The following PFKFB3 variants were observed in gnomAD, a reference collection of about 807,000 sequenced individuals.
PFKFB3 encodes 6-phosphofructo-2-kinase/fructose-2,6-bisphosphatase 3.
In PFKFB3, 33 loss-of-function variants were observed where a neutral mutation model predicts 68.0. The observed-to-expected ratio is 0.49, with a 90% confidence interval of 0.37 to 0.65. PFKFB3 has a LOEUF of 0.65. PFKFB3 is among the 30% of genes least tolerant of loss of function. The pLI is 0.00. For missense variants in PFKFB3, 586 were observed against 712.2 expected (o/e 0.82, Z 2.02); for synonymous variants, 315 against 288.2 (o/e 1.09, Z -0.94).
the PFKFB3 span, among the ~76,000 whole-genome samples, chr10:6,274,671 AC>A: frequency 6.6e-6 from 1 of 151,956 alleles, no homozygotes; most frequent in Non-Finnish European, 1.5e-5. Flanking sequence ...ACATAGTGAG[AC>A]CCCATCTAAA....
chr10:6,177,425 CTTTCTT>C (rs1564599800), intron 1 of PFKFB3, among the ~76,000 whole-genome samples: 2 of 77,030 alleles, frequency 2.6e-5, no homozygotes, highest in African/African-American at 8.9e-5. Context: ...CTCTTTCTTC[CTTTCTT>C]TTCTTTCTCT....
Position 6,232,926 on chromosome 10 carries a change from C to T in PFKFB3, c.1547C>T (p.Ser516Phe). The change falls in exon 15 of 15, where the codon TCC (serine) becomes TTC (phenylalanine). Residue 516 changes from serine to phenylalanine, a missense_variant. Ser to Phe is a radical substitution (Grantham distance 155, BLOSUM62 -2). Coordinates refer to ENST00000379775, the MANE Select transcript of PFKFB3 (RefSeq NM_004566.4). Reference protein sequence around the residue: ...NMKGSRSSADSSRKH With the variant: ...NMKGSRSSADFSRKH The stretch of plus-strand genomic sequence containing the variant: ...AAAGGCTCCCGGAGCAGCGCTGACT[C>T]CTCCAGGAAACACTGAGGCAGACGT... 6 of 1,613,226 alleles carry T rather than the reference C, an allele frequency of 3.7e-6. No homozygotes were observed. The highest frequency in any genetic ancestry group is 5.1e-6 in the Non-Finnish European group (6 of 1,179,360).
chr10:6,261,834 A>C, the PFKFB3 span, among the ~76,000 whole-genome samples: 1 of 152,118 alleles, frequency 6.6e-6, no homozygotes, highest in Non-Finnish European at 1.5e-5. Context: ...ATCTCTACTA[A>C]AAATACAAAA....
chr10:6,204,063 G>T (rs1169469158), intron 1 of PFKFB3, among the ~76,000 whole-genome samples: 1 of 151,770 alleles, frequency 6.6e-6, no homozygotes, highest in Non-Finnish European at 1.5e-5. Context: ...CACGCGCCCC[G>T]GGCGCACGCA....
chr10:6,231,286 CAA>C (rs1239655749), intron 14 of PFKFB3: 2 of 1,611,916 alleles, frequency 1.2e-6, no homozygotes, highest in South Asian at 2.2e-5. Context: ...CACATTTTCT[CAA>C]AGTTTTCTCC....
At chr10:6,177,396 CT>C (rs550495845) in intron 1 of PFKFB3, among the ~76,000 whole-genome samples, 254 of 139,882 alleles carry the variant, frequency 1.8e-3, no homozygotes, top group East Asian at 6.3e-3. Context: ...TTCTTTCTTT[CT>C]TTCTTTCTTT....
At chr10:6,242,614 G>A (rs1366994591) in intron 14 of PFKFB3, among the ~76,000 whole-genome samples, 2 of 150,504 alleles carry the variant, frequency 1.3e-5, no homozygotes, top group African/African-American at 4.9e-5. Flanking sequence ...TTGAGACGGA[G>A]TCTCGCTCTG....
downstream of PFKFB3, among the ~76,000 whole-genome samples, chr10:6,236,786 G>A (rs997995422): frequency 6.6e-6 from 1 of 152,206 alleles, no homozygotes. Context: ...GTAAGGTCCT[G>A]GGCCGGCCGG....
chr10:6,203,418 C>T (rs939983192), intron 1 of PFKFB3, 82 bp downstream of exon 1: 1 of 1,066,096 alleles, frequency 9.4e-7, no homozygotes, highest in East Asian at 3.4e-5. Flanking sequence ...TGTGCCGACG[C>T]CCCTCTGCGG....
intron 1 of PFKFB3, among the ~76,000 whole-genome samples, chr10:6,176,959 G>A (rs748075086): frequency 2.0e-5 from 3 of 152,186 alleles, no homozygotes; most frequent in Admixed American, 6.5e-5. Flanking sequence ...ACAGGAGACG[G>A]CTGTCACTGG....
chr10:6,276,838 TTG>T, the PFKFB3 span, among the ~76,000 whole-genome samples: 200 of 147,302 alleles, frequency 1.4e-3, no homozygotes, highest in African/African-American at 3.6e-3. Context: ...TTATATGTAT[TTG>T]TGTGTGTGTG....
chr10:6,223,088 G>C lies in PFKFB3; in HGVS notation c.1213+104G>C. 4.2e-6 allele frequency: 5 copies of C among 1,201,724 alleles called. No individual in the cohort carries two copies. In the South Asian group the frequency reaches 7.3e-5, roughly 18 times the overall value. The allele number at this position is 1,201,724 out of a possible 1,614,324, so 74.4% of individuals were successfully genotyped here. On this transcript the variant is annotated intron_variant, in intron 11 of 14. Transcript: ENST00000379775. ...CGTGGCCTGCCCTGTGTTGGCTGCTGTGCCATGGGGTGTTAGGAGAAGGGC... is the reference window on the plus strand; with the variant it reads ...CGTGGCCTGCCCTGTGTTGGCTGCTCTGCCATGGGGTGTTAGGAGAAGGGC...
the PFKFB3 span, among the ~76,000 whole-genome samples, chr10:6,297,519 T>G: frequency 6.6e-6 from 1 of 151,594 alleles, no homozygotes; most frequent in African/African-American, 2.4e-5. Context: ...TTTTTTTTTG[T>G]AGGCATCCTG....
At chr10:6,248,975 A>T (rs1056161961) in intron 14 of PFKFB3, among the ~76,000 whole-genome samples, 34 of 152,122 alleles carry the variant, frequency 2.2e-4, no homozygotes, top group African/African-American at 8.2e-4. Context: ...GGAATTCGAG[A>T]CCAGCTTGAC....
rs559614182 is a variant in PFKFB3 at position 6,190,667 on chromosome 10, G to A, written c.17-22956G>A. 1.6e-4 allele frequency among the ~76,000 whole-genome samples: 24 copies of A among 152,304 alleles called. No individual in the cohort carries two copies. The South Asian group carries it at 2.7e-3, about 17-fold the overall frequency. On this transcript the variant is annotated intron_variant, in intron 1 of 14. Coordinates refer to the PFKFB3 transcript ENST00000379789. ...AAAACAAAAACAAAAACAACAGATTGTACCAGATTTGGCCAGTGGGGAACC... is the reference window on the plus strand; with the variant it reads ...AAAACAAAAACAAAAACAACAGATTATACCAGATTTGGCCAGTGGGGAACC...
intron 1 of PFKFB3, among the ~76,000 whole-genome samples, chr10:6,183,616 T>C (rs201952291): frequency 1.4e-5 from 1 of 69,624 alleles, no homozygotes; most frequent in Non-Finnish European, 3.3e-5. Context: ...AAAAAAAAAA[T>C]ATATATATAT....
the PFKFB3 span, among the ~76,000 whole-genome samples, chr10:6,269,023 CAAAAA>C: frequency 1.1e-5 from 1 of 93,196 alleles, no homozygotes; most frequent in Non-Finnish European, 2.1e-5. Flanking sequence ...GATCCTGTCT[CAAAAA>C]AAAAAAAAAA....
chr10:6,168,439 A>G (rs1842203561), intron 1 of PFKFB3, among the ~76,000 whole-genome samples: 1 of 152,178 alleles, frequency 6.6e-6, no homozygotes, highest in Non-Finnish European at 1.5e-5. Flanking sequence ...AATTTCCCAA[A>G]CATCTCTGTG....
At chr10:6,181,955 T>C (rs1256596038) in intron 1 of PFKFB3, among the ~76,000 whole-genome samples, 1 of 151,982 alleles carries the variant, frequency 6.6e-6, no homozygotes, top group Non-Finnish European at 1.5e-5. Context: ...ACAGTTTCCA[T>C]TGGAGAAGAT....
Sources: allele counts gnomAD v4.1 joint callset (sites outside exome capture counted in the v4.1 genomes callset), GRCh38; gene constraint gnomAD v4.1.1; transcripts MANE v1.5; gene names NCBI Gene and HGNC (gene_info 2026-07-23, HGNC 2026-07-21).